The following SATB1 variants were observed in gnomAD, a reference collection of about 807,000 sequenced individuals.
SATB1 encodes the protein SATB homeobox 1, also known as DNA-binding protein SATB1.
In SATB1, 11 loss-of-function variants were observed where a neutral mutation model predicts 86.9. The observed-to-expected ratio is 0.13, with a 90% CI of 0.08 to 0.21. The LOEUF is 0.21. SATB1 is among the 10% of genes least tolerant of loss of function. SATB1 has a pLI of 1.00. For synonymous variants in SATB1, 357 were observed against 357.2 expected (o/e 1.00, Z 0.01); for missense variants, 551 against 937.6 (o/e 0.59, Z 5.39).
chr3:18,377,984 G>GA (rs1240525595), intron 9 of SATB1, among the ~76,000 whole-genome samples, 186 bp downstream of exon 9: 1 of 152,014 alleles, frequency 6.6e-6, no homozygotes, highest in Non-Finnish European at 1.5e-5. Flanking sequence ...GTGGCTATTG[G>GA]AAAAAACAAA....
intron 6 of SATB1, among the ~76,000 whole-genome samples, chr3:18,396,666 A>G (rs9310564): frequency 0.34 from 51,799 of 152,116 alleles, 9,568 homozygotes; most frequent in Admixed American, 0.47. Flanking sequence ...TATGGATGGT[A>G]AAGCAATGTG....
intron 7 of SATB1, among the ~76,000 whole-genome samples, chr3:18,387,172 A>C (rs1405987447): frequency 6.6e-6 from 1 of 152,260 alleles, no homozygotes; most frequent in Non-Finnish European, 1.5e-5. Context: ...TTATCAAAGT[A>C]CATGACACTA....
At chr3:18,395,350 C>G (rs1421161130) in intron 6 of SATB1, among the ~76,000 whole-genome samples, 1 of 151,948 alleles carries the variant, frequency 6.6e-6, no homozygotes, top group African/African-American at 2.4e-5. Context: ...AAAAAATTTA[C>G]AAATATATTC....
At chr3:18,411,073 T>G (rs1697808689) in intron 5 of SATB1, 1 of 391,612 alleles carries the variant, frequency 2.6e-6, no homozygotes, top group Non-Finnish European at 4.5e-6. Flanking sequence ...AAAAGGAAAG[T>G]TGGAAAATCA....
At chr3:18,419,730 A>T (rs1698295374) in intron 2 of SATB1, among the ~76,000 whole-genome samples, 1 of 152,204 alleles carries the variant, frequency 6.6e-6, no homozygotes, top group South Asian at 2.1e-4. Flanking sequence ...ATCAATAAAT[A>T]GGGTAATCAT....
intron 2 of SATB1, among the ~76,000 whole-genome samples, chr3:18,418,331 C>G (rs980256512): frequency 3.9e-5 from 6 of 152,112 alleles, no homozygotes; most frequent in African/African-American, 1.4e-4. Context: ...TTGCTTGTTT[C>G]TGCTGAACAA....
In SATB1 at chr3:18,345,826, GA is replaced by G. The variant is rs2125116377; in HGVS notation, c.*3343del. On this transcript the variant is annotated 3_prime_UTR_variant, in exon 11 of 11. Transcript: ENST00000338745. ...GGCAGTTCAGAATGTCTCATTTATT[GA>G]GAATATTGTGACAATCAAAGACCTT... The G allele has an allele frequency of 6.6e-6, 1 of 152,066 alleles. No individual in the cohort carries two copies. The highest frequency in any genetic ancestry group is 1.9e-4 in the East Asian group (1 of 5,172). The allele number at this position is 152,066 out of a possible 1,614,324, so 9.4% of individuals were successfully genotyped here. A position where few individuals can be genotyped will look rare whatever the true frequency, so the allele number is the denominator to read the frequency against.
intron 9 of SATB1, among the ~76,000 whole-genome samples, chr3:18,376,071 G>A (rs56227009): frequency 0.6 from 91,681 of 151,896 alleles, 28,244 homozygotes; most frequent in East Asian, 0.93. Context: ...GTGTAGGACA[G>A]GGTAACAAAG....
At chr3:18,410,964 G>A (rs970066350) in intron 5 of SATB1, 4 of 394,798 alleles carry the variant, frequency 1.0e-5, no homozygotes, top group Non-Finnish European at 1.8e-5. Flanking sequence ...CAGTACTGAA[G>A]CTAAGCTTCA....
At chr3:18,391,166 T>C (rs552077658) in intron 7 of SATB1, among the ~76,000 whole-genome samples, 5 of 152,210 alleles carry the variant, frequency 3.3e-5, no homozygotes, top group African/African-American at 1.2e-4. Flanking sequence ...TGTGTTAATA[T>C]AGGGAACCCT....
At chr3:18,400,896 C>T (rs915186162) in intron 5 of SATB1, among the ~76,000 whole-genome samples, 7 of 152,146 alleles carry the variant, frequency 4.6e-5, no homozygotes, top group African/African-American at 7.2e-5. Context: ...GAAAACACCA[C>T]GGGGAAATAT....
At chr3:18,440,984 T>A (rs1164610281), upstream of SATB1, among the ~76,000 whole-genome samples, 4 of 152,232 alleles carry the variant, frequency 2.6e-5, no homozygotes. Context: ...TCCTCATTTG[T>A]TAATTAAAAG....
intron 1 of SATB1, among the ~76,000 whole-genome samples, chr3:18,423,319 G>C (rs969941278): frequency 6.6e-6 from 1 of 152,092 alleles, no homozygotes; most frequent in African/African-American, 2.4e-5. Flanking sequence ...ATAAAACAGT[G>C]AACTCAGTAA....
At chr3:18,357,748 A>T (rs939073510) in intron 9 of SATB1, among the ~76,000 whole-genome samples, 1 of 151,818 alleles carries the variant, frequency 6.6e-6, no homozygotes, top group Non-Finnish European at 1.5e-5. Flanking sequence ...TGAAAAAACA[A>T]CTAAAACAAT....
upstream of SATB1, among the ~76,000 whole-genome samples, chr3:18,439,359 C>T (rs1342092004): frequency 1.3e-5 from 2 of 152,136 alleles, no homozygotes; most frequent in African/African-American, 2.4e-5. Context: ...AGAAATGCTA[C>T]ACTACTAAAT....
intron 9 of SATB1, among the ~76,000 whole-genome samples, chr3:18,362,176 G>A (rs1694933606): frequency 6.6e-6 from 1 of 152,016 alleles, no homozygotes; most frequent in African/African-American, 2.4e-5. Flanking sequence ...CAGTCCCACA[G>A]CATTTCTTCA....
intron 9 of SATB1, among the ~76,000 whole-genome samples, chr3:18,373,918 C>A (rs902892807): frequency 1.3e-5 from 2 of 152,146 alleles, no homozygotes; most frequent in African/African-American, 4.8e-5. Flanking sequence ...TCAGAGACTG[C>A]AAAAATATTA....
At chr3:18,405,771 C>T (rs1697501278) in intron 5 of SATB1, among the ~76,000 whole-genome samples, 1 of 151,954 alleles carries the variant, frequency 6.6e-6, no homozygotes, top group Non-Finnish European at 1.5e-5. Context: ...CAGATCTGAT[C>T]CAAGACTTCA....
intron 9 of SATB1, among the ~76,000 whole-genome samples, chr3:18,363,655 C>T (rs1695031872): frequency 1.3e-5 from 2 of 152,122 alleles, no homozygotes; most frequent in African/African-American, 2.4e-5. Context: ...AATAGGCTGG[C>T]ATTTGTGAGG....
Sources: allele counts gnomAD v4.1 joint callset (sites outside exome capture counted in the v4.1 genomes callset), GRCh38; gene constraint gnomAD v4.1.1; transcripts MANE v1.5; gene names NCBI Gene and HGNC (gene_info 2026-07-23, HGNC 2026-07-21).